The following TRIP10 variants were observed in gnomAD, a reference collection of about 807,000 sequenced individuals.
The protein encoded by TRIP10 is thyroid hormone receptor interactor 10.
TRIP10 carries 54 observed loss-of-function variants against 80.9 expected under a neutral mutation model. The observed-to-expected ratio is 0.67, with a 90% CI of 0.54 to 0.84. The LOEUF is 0.84. Among genes scored for constraint, TRIP10 ranks in the 40% least tolerant of loss-of-function variants. The pLI, the probability that TRIP10 is intolerant of heterozygous loss-of-function variation, is 0.00. For missense variants in TRIP10, 773 were observed against 815.3 expected (o/e 0.95, Z 0.63); for synonymous variants, 321 against 307.2 (o/e 1.04, Z -0.47).
At position 6,746,624 on chromosome 19, in the gene TRIP10, T is replaced by G; in HGVS notation, c.1262+63T>G. 2.6e-6 allele frequency: 3 copies of G among 1,135,120 alleles called. No homozygotes were observed. Among genetic ancestry groups the G allele is most frequent in the Non-Finnish European group, 3.7e-6 (3 of 802,560 alleles). The allele number at this position is 1,135,120 out of a possible 1,614,324, so 70.3% of individuals were successfully genotyped here. A position where few individuals can be genotyped will look rare whatever the true frequency, so the allele number is the denominator to read the frequency against. On this transcript the variant is annotated intron_variant, in intron 11 of 14. Coordinates refer to ENST00000313244, the MANE Select transcript of TRIP10 (RefSeq NM_001288962.2). The surrounding 1 kb of genome is among the most constrained non-coding windows in gnomAD (Gnocchi z 6.2). ...TGATAAAATAGTAAATGAACTTCAC[T>G]TATTTGTTTATTATTTTATTTTATT...
At chr19:6,740,987 T>C in intron 1 of TRIP10, 23 bp from the exon 2 acceptor site, 1 of 1,528,764 alleles carries the variant, frequency 6.5e-7, no homozygotes, top group Non-Finnish European at 9.0e-7. Context: ...TCTCCCCTCC[T>C]CCCCCACCAT....
At position 6,745,062 on chromosome 19, in the gene TRIP10, T is replaced by C. The variant is rs1271813617; in HGVS notation, c.984+68T>C. 3 of 1,533,940 alleles carry C rather than the reference T, an allele frequency of 2.0e-6. No homozygotes were observed. The highest frequency in any genetic ancestry group is 1.8e-6 in the Non-Finnish European group (2 of 1,140,864). ...GAAGTGGGGACAGTGGGGCCCCTAT[T>C]GAGTCAGCCCCAGCCGCCTGAACGC... is the stretch of plus-strand genomic sequence containing the variant. On this transcript the variant is annotated intron_variant, in intron 9 of 14. Transcript: ENST00000313244. This position sits in a 1 kb window ranked among gnomAD's most constrained non-coding sequence, Gnocchi z 7.2.
chr19:6,745,150 C>A lies in TRIP10; in HGVS notation c.984+156C>A. The A allele has an allele frequency of 1.7e-5, 19 of 1,114,328 alleles. No individual in the cohort carries two copies. Among genetic ancestry groups the A allele is most frequent in the Non-Finnish European group, 2.2e-5 (18 of 810,938 alleles). 69.0% of individuals were successfully genotyped at this position (1,114,328 alleles called of 1,614,324 possible). On this transcript the variant is annotated intron_variant, in intron 9 of 14. Coordinates refer to ENST00000313244, the MANE Select transcript of TRIP10 (RefSeq NM_001288962.2). The surrounding 1 kb of genome is among the most constrained non-coding windows in gnomAD (Gnocchi z 7.2). The stretch of plus-strand genomic sequence containing the variant: ...CCGGACTGGAGGGAAGGAAGGCGGC[C>A]GATTGGCCTGGGAGTCCCCCGAGGC...
Position 6,744,421 on chromosome 19 carries a change from G to A in TRIP10, c.643-133G>A, listed in dbSNP as rs1599561390. ...ACAGTGGGCTGGAGTCTCTCTTCCC[G>A]ACTCTGTCTTCCCCTCCAGACTGGC... On this transcript the variant is annotated intron_variant, in intron 7 of 14. Transcript: ENST00000313244. The surrounding 1 kb of genome is among the most constrained non-coding windows in gnomAD (Gnocchi z 4.9). 12 of 1,335,310 alleles carry A rather than the reference G, an allele frequency of 9.0e-6. No homozygotes were observed. Among genetic ancestry groups the A allele is most frequent in the East Asian group, 2.3e-5 (1 of 43,040 alleles). The allele number at this position is 1,335,310 out of a possible 1,614,324, so 82.7% of individuals were successfully genotyped here.
rs1335003523 is a variant in TRIP10 at position 6,740,905 on chromosome 19, G to A, written c.25-105G>A. 4.9e-6 allele frequency: 5 copies of A among 1,010,884 alleles called. No homozygotes were observed. In the African/African-American group the frequency reaches 8.0e-5, roughly 16 times the overall value. 62.6% of individuals were successfully genotyped at this position (1,010,884 alleles called of 1,614,324 possible). A position where few individuals can be genotyped will look rare whatever the true frequency, so the allele number is the denominator to read the frequency against. On this transcript the variant is annotated intron_variant, in intron 1 of 14. Transcript: ENST00000313244. ...CGCCGGGAAGCCACTCCTTCTAGGAGCGCAGAGCCTTGGCCCTCCCTGGGA... is the reference window on the plus strand; with the variant it reads ...CGCCGGGAAGCCACTCCTTCTAGGAACGCAGAGCCTTGGCCCTCCCTGGGA...
At position 6,743,743 on chromosome 19, in the gene TRIP10, C is replaced by T. The variant is rs753613412; in HGVS notation, c.549C>T (p.Ala183=). The T allele has an allele frequency of 6.8e-6, 11 of 1,613,924 alleles. No individual in the cohort carries two copies. The highest frequency in any genetic ancestry group is 2.7e-5 in the African/African-American group (2 of 74,864). Residue 183 remains alanine, a synonymous_variant, in exon 7 of 15, where the codon GCC becomes GCT. Transcript: ENST00000313244. ...AAGCCCACCTTCGGAGTCACATGGCCGAAGAAAGCAAAAACGAATATGCGG... is the reference window on the plus strand; with the variant it reads ...AAGCCCACCTTCGGAGTCACATGGCTGAAGAAAGCAAAAACGAATATGCGG... ...KQQAHLRSHM[A]EESKNEYAAQ... is the part of the protein sequence containing the mutation.
intron 3 of TRIP10, among the ~76,000 whole-genome samples, chr19:6,742,063 A>G (rs1302635912): frequency 6.7e-6 from 1 of 148,756 alleles, no homozygotes; most frequent in Admixed American, 6.8e-5. Context: ...TATCCCACTT[A>G]GTGTGAATGT....
At chr19:6,750,975 G>A (rs573012580) in intron 14 of TRIP10, 88 bp from the exon 15 acceptor site, 28 of 1,425,196 alleles carry the variant, frequency 2.0e-5, no homozygotes, top group East Asian at 5.4e-5. Context: ...CAGCCTGGGC[G>A]AGAGCGAGGC....
chr19:6,750,143 G>GGGGGGGGGGGGGGGC (rs2145554807), intron 12 of TRIP10, 77 bp downstream of exon 12: 8 of 842,170 alleles, frequency 9.5e-6, no homozygotes, highest in East Asian at 3.4e-5. Flanking sequence ...GGGGGTCGGG[G>GGGGGGGGGGGGGGGC]ACAGGGGAGG....
At position 6,743,759 on chromosome 19, in the gene TRIP10, G is replaced by A. The variant is rs757867049; in HGVS notation, c.565G>A (p.Glu189Lys). ...RSHMAEESKN[E>K]YAAQLQRFNR... ...TCACATGGCCGAAGAAAGCAAAAAC[G>A]AATATGCGGCTCAACTGCAGCGCTT... The change falls in exon 7 of 15, where the codon GAA becomes AAA. Residue 189 changes from glutamate (E) to lysine (K), a missense_variant. By Grantham distance (56) the Glu-to-Lys change is moderately conservative. Coordinates refer to ENST00000313244, the MANE Select transcript of TRIP10 (RefSeq NM_001288962.2). 1.2e-6 allele frequency: 2 copies of A among 1,614,048 alleles called. No homozygotes were observed. Among genetic ancestry groups the A allele is most frequent in the Middle Eastern group, 1.6e-4 (1 of 6,062 alleles).
chr19:6,751,224 A>T lies in TRIP10; in HGVS notation c.*13A>T. ...CACGCTCAATTGAACCCTGCCAGAG[A>T]CGGGAAGAGGGGGGCTGTCGGCTGC... On this transcript the variant is annotated 3_prime_UTR_variant, in exon 15 of 15. Coordinates refer to ENST00000313244, the MANE Select transcript of TRIP10 (RefSeq NM_001288962.2). 3 of 1,613,694 alleles carry T rather than the reference A, an allele frequency of 1.9e-6. No individual in the cohort carries two copies. The highest frequency in any genetic ancestry group is 2.5e-6 in the Non-Finnish European group (3 of 1,179,882).
intron 1 of TRIP10, among the ~76,000 whole-genome samples, chr19:6,740,406 G>C (rs907487764): frequency 2.0e-5 from 3 of 152,202 alleles, no homozygotes; most frequent in African/African-American, 4.8e-5. Flanking sequence ...TATCCTAGCC[G>C]GACCTCTGAC....
chr19:6,742,368 C>T (rs755083875), intron 3 of TRIP10, among the ~76,000 whole-genome samples: 15 of 151,568 alleles, frequency 9.9e-5, no homozygotes, highest in Middle Eastern at 3.4e-3. Context: ...CCAGCCTGGG[C>T]GACAGAGTGA....
chr19:6,750,059 A>C lies in TRIP10; in HGVS notation c.1388A>C (p.Lys463Thr). The change falls in exon 12 of 15, where the codon AAG (lysine) becomes ACG (threonine). Residue 463 changes from lysine to threonine, a missense_variant. By Grantham distance (78) the Lys-to-Thr change is moderately conservative. Coordinates refer to ENST00000313244, the MANE Select transcript of TRIP10 (RefSeq NM_001288962.2). The part of the protein sequence containing the change: ...NIERLKLEVQ[K>T]YEAWLAEAES... ...GAACGGCTGAAATTGGAAGTGCAGA[A>C]GTATGAGGTCAGGAAAGACCCTGGG... 3 of 1,428,178 alleles carry C rather than the reference A, an allele frequency of 2.1e-6. No individual in the cohort carries two copies. The highest frequency in any genetic ancestry group is 2.8e-6 in the Non-Finnish European group (3 of 1,065,528). The allele number at this position is 1,428,178 out of a possible 1,614,324, so 88.5% of individuals were successfully genotyped here.
Position 6,744,636 on chromosome 19 carries a change from T to C in TRIP10, c.725T>C (p.Val242Ala). Reference sequence around the variant, plus strand: ...CTGTCGGAGGCCGAGCTGGAGGTGGTGCCCATAATAGCCAAGTGCTTGGAG... The same window carrying C: ...CTGTCGGAGGCCGAGCTGGAGGTGGCGCCCATAATAGCCAAGTGCTTGGAG... ...GLLSEAELEV[V>A]PIIAKCLEGM... The change falls in exon 8 of 15, where the codon GTG becomes GCG. Residue 242 changes from valine to alanine, a missense_variant. Coordinates refer to ENST00000313244, the MANE Select transcript of TRIP10 (RefSeq NM_001288962.2). The surrounding 1 kb of genome is among the most constrained non-coding windows in gnomAD (Gnocchi z 4.9). The C allele has an allele frequency of 6.2e-7, 1 of 1,613,526 alleles. No individual in the cohort carries two copies. The highest frequency in any genetic ancestry group is 8.5e-7 in the Non-Finnish European group (1 of 1,179,754).
chr19:6,739,865 G>A (rs1968855829), intron 1 of TRIP10, 80 bp downstream of exon 1: 2 of 1,346,616 alleles, frequency 1.5e-6, no homozygotes, highest in South Asian at 2.2e-5. Flanking sequence ...GTATCTTAGA[G>A]GGGGCTCCGC....
chr19:6,750,332 G>T lies in TRIP10; in HGVS notation c.1436G>T (p.Arg479Leu). 1 of 1,614,024 alleles carries T rather than the reference G, an allele frequency of 6.2e-7. No individual in the cohort carries two copies. Among genetic ancestry groups the T allele is most frequent in the Non-Finnish European group, 8.5e-7 (1 of 1,179,986 alleles). The change falls in exon 13 of 15, where the codon CGG (arginine) becomes CTG (leucine). Residue 479 changes from arginine (R) to leucine (L), a missense_variant. Transcript: ENST00000313244. ...GCTGAAAGTCGAGTCCTTAGCAACC[G>T]GGGAGACAGCCTGAGCCGGCACGCC... ...AEAESRVLSN[R>L]GDSLSRHARP... is the part of the protein sequence containing the mutation.
At chr19:6,743,930 C>T in intron 7 of TRIP10, 94 bp downstream of exon 7, 1 of 1,491,874 alleles carries the variant, frequency 6.7e-7, no homozygotes, top group East Asian at 2.3e-5. Flanking sequence ...TGCAATGTCC[C>T]AGTCCCTAGA....
rs755480065 is a variant in TRIP10 at position 6,746,575 on chromosome 19, G to A, written c.1262+14G>A. ...GGTTGACCAGAGGTAAGGTGGTGGG[G>A]TAGGGAAGGACAGGCAAGGAACATG... On this transcript the variant is annotated intron_variant, in intron 11 of 14. Coordinates refer to ENST00000313244, the MANE Select transcript of TRIP10 (RefSeq NM_001288962.2). This position sits in a 1 kb window ranked among gnomAD's most constrained non-coding sequence, Gnocchi z 6.2. 7.5e-6 allele frequency: 12 copies of A among 1,603,260 alleles called. No homozygotes were observed. The South Asian group carries it at 1.1e-4, about 15-fold the overall frequency.
Sources: allele counts gnomAD v4.1 joint callset (sites outside exome capture counted in the v4.1 genomes callset), GRCh38; gene constraint gnomAD v4.1.1; non-coding constraint Gnocchi (gnomAD v3.1); transcripts MANE v1.5; gene names NCBI Gene and HGNC (gene_info 2026-07-23, HGNC 2026-07-21).